MTRF1: variants seen among roughly 807,000 people sequenced by gnomAD.
MTRF1 encodes the protein mitochondrial translation release factor 1.
In MTRF1, 51 loss-of-function variants were observed where a neutral mutation model predicts 62.9. That is an observed-to-expected ratio of 0.81 (90% CI 0.65 to 1.02). MTRF1 has a LOEUF of 1.02. MTRF1 is among the 50% of genes least tolerant of loss of function. MTRF1 has a pLI of 0.00. For synonymous variants in MTRF1, 158 were observed against 181.9 expected, an observed-to-expected ratio of 0.87 and a Z score of 1.06; for missense variants, 446 against 530.0, an observed-to-expected ratio of 0.84 and a Z score of 1.56.
intron 9 of MTRF1, among the ~76,000 whole-genome samples, chr13:41,222,909 A>C (rs1272318997): frequency 1.3e-5 from 2 of 152,192 alleles, no homozygotes; most frequent in Non-Finnish European, 2.9e-5. Context: ...ATAATACTTT[A>C]ATCATGGGTA....
intron 9 of MTRF1, among the ~76,000 whole-genome samples, chr13:41,222,997 AATATACGTTC>A (rs1208627326): frequency 6.6e-6 from 1 of 152,218 alleles, no homozygotes; most frequent in Admixed American, 6.5e-5. Context: ...ATGCAGACTG[AATATACGTTC>A]ATGCATTGTG....
chr13:41,261,711 G>A (rs547299887), intron 1 of MTRF1: 7 of 724,272 alleles, frequency 9.7e-6, no homozygotes, highest in East Asian at 1.3e-4. Flanking sequence ...CTATTCAGTC[G>A]GCTGGATGGA....
chr13:41,303,902 C>T, the MTRF1 span, among the ~76,000 whole-genome samples: 3 of 152,084 alleles, frequency 2.0e-5, no homozygotes, highest in East Asian at 1.9e-4. Context: ...AGCAAATCTC[C>T]CCATTTTTTT....
At chr13:41,307,855 A>T in the MTRF1 span, among the ~76,000 whole-genome samples, 2 of 152,302 alleles carry the variant, frequency 1.3e-5, no homozygotes, top group East Asian at 3.9e-4. Flanking sequence ...TACAAAAGGT[A>T]TGTGTGTATG....
the MTRF1 span, among the ~76,000 whole-genome samples, chr13:41,293,014 A>G: frequency 6.6e-6 from 1 of 152,200 alleles, no homozygotes; most frequent in African/African-American, 2.4e-5. Context: ...ATTATCTGTA[A>G]GGGCAATTAA....
chr13:41,224,543 C>A (rs1462479137), intron 8 of MTRF1, among the ~76,000 whole-genome samples: 1 of 152,144 alleles, frequency 6.6e-6, no homozygotes, highest in Non-Finnish European at 1.5e-5. Flanking sequence ...TTGAGAACAT[C>A]CCAGATCATC....
chr13:41,227,479 T>G (rs1294538349), intron 7 of MTRF1, among the ~76,000 whole-genome samples: 2 of 152,164 alleles, frequency 1.3e-5, no homozygotes, highest in Non-Finnish European at 2.9e-5. Context: ...ACACAAGTTT[T>G]GGCTAGCCAG....
At chr13:41,265,054 C>A (rs60222086), upstream of MTRF1, among the ~76,000 whole-genome samples, 4,764 of 152,230 alleles carry the variant, frequency 0.031, 244 homozygotes, top group African/African-American at 0.11. Flanking sequence ...CCAAAAAGTT[C>A]TTTAATTATT....
the MTRF1 span, among the ~76,000 whole-genome samples, chr13:41,286,944 C>T: frequency 7.9e-5 from 12 of 152,288 alleles, no homozygotes; most frequent in African/African-American, 1.9e-4. Flanking sequence ...CTTTACCTAT[C>T]GGAAAATTAC....
At chr13:41,250,474 C>T (rs1478976809) in intron 5 of MTRF1, among the ~76,000 whole-genome samples, 1 of 151,848 alleles carries the variant, frequency 6.6e-6, no homozygotes, top group Non-Finnish European at 1.5e-5. Flanking sequence ...GATCTGGTTA[C>T]TCAATTTCAA....
chr13:41,238,061 T>G (rs1193023791), intron 6 of MTRF1, among the ~76,000 whole-genome samples: 1 of 152,192 alleles, frequency 6.6e-6, no homozygotes, highest in African/African-American at 2.4e-5. Flanking sequence ...AATATGAAAC[T>G]TTGATTTCAA....
chr13:41,297,106 G>A, the MTRF1 span, among the ~76,000 whole-genome samples: 3 of 152,082 alleles, frequency 2.0e-5, no homozygotes, highest in Non-Finnish European at 4.4e-5. Flanking sequence ...TCATTCATGA[G>A]GATCGTTAAG....
the MTRF1 span, among the ~76,000 whole-genome samples, chr13:41,277,278 C>T: frequency 6.6e-6 from 1 of 152,034 alleles, no homozygotes; most frequent in African/African-American, 2.4e-5. Flanking sequence ...ACTACAGGTG[C>T]ATGCCACCAC....
the MTRF1 span, among the ~76,000 whole-genome samples, chr13:41,276,530 A>T: frequency 6.6e-6 from 1 of 152,128 alleles, no homozygotes; most frequent in Non-Finnish European, 1.5e-5. Context: ...TGCTGGGGTC[A>T]TCTTTTAGTT....
intron 2 of MTRF1, among the ~76,000 whole-genome samples, chr13:41,256,817 A>G (rs1443454770): frequency 2.0e-5 from 3 of 152,208 alleles, no homozygotes; most frequent in East Asian, 1.9e-4. Flanking sequence ...GTCTAATTCA[A>G]TTTTATTATA....
At chr13:41,280,224 C>T in the MTRF1 span, among the ~76,000 whole-genome samples, 609 of 152,266 alleles carry the variant, frequency 4.0e-3, 8 homozygotes, top group African/African-American at 0.014. Context: ...CGTGAGCCAC[C>T]GCGCCCGGCC....
the MTRF1 span, among the ~76,000 whole-genome samples, chr13:41,308,446 G>T: frequency 6.6e-6 from 1 of 152,220 alleles, no homozygotes; most frequent in African/African-American, 2.4e-5. Context: ...AAATGACAAT[G>T]TAGATAAATT....
At chr13:41,280,545 A>C in the MTRF1 span, among the ~76,000 whole-genome samples, 2 of 152,152 alleles carry the variant, frequency 1.3e-5, no homozygotes, top group South Asian at 4.2e-4. Flanking sequence ...AAATCTCTTA[A>C]AATATTTTAC....
At chr13:41,277,691 T>C in the MTRF1 span, among the ~76,000 whole-genome samples, 1 of 152,166 alleles carries the variant, frequency 6.6e-6, no homozygotes, top group Admixed American at 6.5e-5. Flanking sequence ...GAGGCTTCAT[T>C]ACATAGGCAT....
Sources: gnomAD v4.1 joint callset for allele counts (sites outside exome capture counted in the v4.1 genomes callset) on GRCh38, gnomAD v4.1.1 for gene constraint, MANE v1.5 for transcripts, NCBI Gene and HGNC (gene_info 2026-07-23, HGNC 2026-07-21) for gene names.